The following PTPN4 variants were observed in gnomAD, a reference collection of about 807,000 sequenced individuals.
The protein encoded by PTPN4 is protein tyrosine phosphatase non-receptor type 4.
A neutral mutation model predicts 135.5 loss-of-function variants in PTPN4; 49 were observed. That is an observed-to-expected ratio of 0.36 (90% confidence interval 0.29 to 0.46). PTPN4 has a LOEUF of 0.46. Ranked by LOEUF, PTPN4 falls within the 20% of genes least tolerant of loss-of-function variation. PTPN4 has a pLI of 1.00. For synonymous variants in PTPN4, 333 were observed against 369.9 expected (o/e 0.90, Z 1.14); for missense variants, 860 against 1,101.0 (o/e 0.78, Z 3.10).
chr2:119,947,620 G>A (rs752347249), intron 18 of PTPN4, among the ~76,000 whole-genome samples: 1 of 151,956 alleles, frequency 6.6e-6, no homozygotes, highest in Non-Finnish European at 1.5e-5. Flanking sequence ...TTCTTTTTAT[G>A]TGATTGTTTG....
At chr2:119,969,087 G>C (rs1204744177) in intron 26 of PTPN4, among the ~76,000 whole-genome samples, 1 of 152,126 alleles carries the variant, frequency 6.6e-6, no homozygotes, top group African/African-American at 2.4e-5. Flanking sequence ...GCAATGGTGT[G>C]ATCATAACTC....
intron 1 of PTPN4, among the ~76,000 whole-genome samples, chr2:119,771,130 C>G (rs1428552125): frequency 2.6e-5 from 4 of 152,186 alleles, no homozygotes; most frequent in Non-Finnish European, 5.9e-5. Context: ...CCCAAACTCT[C>G]ACAGGAGAGA....
rs780777093 is a variant in PTPN4 at position 119,978,759 on chromosome 2, A to C, written c.*1689A>C. 6.6e-6 allele frequency: 1 copy of C among 152,148 alleles called. No homozygotes were observed. The allele number at this position is 152,148 out of a possible 1,614,324, so 9.4% of individuals were successfully genotyped here. ...TCTGTAAGATCTTGATAAAGTTTAGAGTCAAATGGCAGATATTTTGGAAAG... is the reference window on the plus strand; with the variant it reads ...TCTGTAAGATCTTGATAAAGTTTAGCGTCAAATGGCAGATATTTTGGAAAG... On this transcript the variant is annotated 3_prime_UTR_variant, in exon 27 of 27. Coordinates refer to ENST00000263708, the MANE Select transcript of PTPN4 (RefSeq NM_002830.4).
At chr2:119,906,643 T>G (rs1315667699) in intron 10 of PTPN4, among the ~76,000 whole-genome samples, 1 of 152,154 alleles carries the variant, frequency 6.6e-6, no homozygotes, top group Non-Finnish European at 1.5e-5. Context: ...TCTCAACAAA[T>G]TAGGTGTAGA....
chr2:119,876,897 ATGTGTGTGTGTGTGTGTGTG>A lies in PTPN4; in HGVS notation c.247-401_247-382del, dbSNP rs3835789. Among the ~76,000 whole-genome samples, 12 of 136,136 alleles carry A rather than the reference ATGTGTGTGTGTGTGTGTGTG, an allele frequency of 8.8e-5. No individual in the cohort carries two copies. In the East Asian group the frequency reaches 2.0e-3, roughly 23 times the overall value. 89.3% of individuals were successfully genotyped at this position (136,136 alleles called of 152,430 possible). A position where few individuals can be genotyped will look rare whatever the true frequency, so the allele number is the denominator to read the frequency against. On this transcript the variant is annotated intron_variant, in intron 3 of 26. Transcript: ENST00000263708. ...CTGAATGAGTATAAAGCCCAAGAGC[ATGTGTGTGTGTGTGTGTGTG>A]TGTGTGTGTGTGTGTGTGTGTGTGC...
chr2:119,883,986 G>A (rs1358197304), intron 8 of PTPN4, among the ~76,000 whole-genome samples: 2 of 152,152 alleles, frequency 1.3e-5, no homozygotes, highest in East Asian at 1.9e-4. Context: ...TGCAAGCTCC[G>A]CCTCCCGGGT....
At chr2:119,966,104 A>G (rs1679441337) in intron 25 of PTPN4, among the ~76,000 whole-genome samples, 2 of 152,150 alleles carry the variant, frequency 1.3e-5, no homozygotes, top group African/African-American at 4.8e-5. Flanking sequence ...CTCTGCTTCC[A>G]TTATGGCACT....
chr2:119,763,279 A>G (rs1690542791), intron 1 of PTPN4, among the ~76,000 whole-genome samples: 1 of 152,204 alleles, frequency 6.6e-6, no homozygotes, highest in Non-Finnish European at 1.5e-5. Flanking sequence ...AACAAAATGA[A>G]AATTACATCG....
chr2:119,887,464 G>A (rs996219668), intron 9 of PTPN4, among the ~76,000 whole-genome samples: 8 of 152,166 alleles, frequency 5.3e-5, no homozygotes, highest in African/African-American at 1.9e-4. Context: ...TCCAGCTGGG[G>A]TGTCAGCAAG....
At chr2:119,972,383 G>A (rs975230007) in intron 26 of PTPN4, among the ~76,000 whole-genome samples, 18 of 152,220 alleles carry the variant, frequency 1.2e-4, no homozygotes, top group African/African-American at 4.1e-4. Flanking sequence ...CAGTATTTTA[G>A]TATGTTTTGG....
chr2:119,841,903 G>T (rs968223574), intron 2 of PTPN4, among the ~76,000 whole-genome samples: 1 of 152,222 alleles, frequency 6.6e-6, no homozygotes, highest in East Asian at 1.9e-4. Flanking sequence ...GGTGTTTGAG[G>T]TAACTAATTT....
At chr2:119,975,599 C>T (rs1679603363) in intron 26 of PTPN4, among the ~76,000 whole-genome samples, 1 of 152,128 alleles carries the variant, frequency 6.6e-6, no homozygotes, top group Admixed American at 6.5e-5. Flanking sequence ...ATGGCAGGTG[C>T]CTGTAATCCC....
At chr2:119,870,235 G>GT (rs969954999) in intron 3 of PTPN4, among the ~76,000 whole-genome samples, 129 of 151,810 alleles carry the variant, frequency 8.5e-4, no homozygotes, top group Middle Eastern at 6.8e-3. Flanking sequence ...AGCAAATCAC[G>GT]TTTTTTTTAA....
chr2:119,885,367 A>C (rs1009022748), intron 8 of PTPN4, among the ~76,000 whole-genome samples: 1 of 152,182 alleles, frequency 6.6e-6, no homozygotes, highest in Non-Finnish European at 1.5e-5. Flanking sequence ...CTGTGAATCA[A>C]CCTCTGTCTG....
At chr2:119,936,293 C>T (rs946168239) in intron 15 of PTPN4, among the ~76,000 whole-genome samples, 7 of 152,144 alleles carry the variant, frequency 4.6e-5, no homozygotes, top group South Asian at 2.1e-4. Context: ...TGAGCCCCCG[C>T]GCCCGGCCTC....
At chr2:119,862,672 C>T in intron 3 of PTPN4, 29 bp downstream of exon 3, 1 of 1,553,304 alleles carries the variant, frequency 6.4e-7, no homozygotes, top group Non-Finnish European at 8.8e-7. Context: ...CTTTCATTTT[C>T]ATTTAGTTTT....
At chr2:119,820,443 A>G (rs1441988869) in intron 2 of PTPN4, among the ~76,000 whole-genome samples, 2 of 151,980 alleles carry the variant, frequency 1.3e-5, no homozygotes, top group African/African-American at 4.8e-5. Context: ...TACATGACTC[A>G]CTCTCTGCTG....
intron 18 of PTPN4, 178 bp downstream of exon 18, chr2:119,946,752 G>C (rs575061002): frequency 5.1e-5 from 26 of 514,320 alleles, no homozygotes; most frequent in African/African-American, 4.9e-4. Flanking sequence ...TTCTCTGTAA[G>C]TATTTAAAAT....
chr2:119,882,666 C>A (rs1454738750), intron 8 of PTPN4, 43 bp downstream of exon 8: 5 of 1,403,948 alleles, frequency 3.6e-6, no homozygotes, highest in Non-Finnish European at 4.8e-6. Context: ...TTCTTAATGG[C>A]ATTCTTTCTA....
Sources: gnomAD v4.1 joint callset for allele counts (sites outside exome capture counted in the v4.1 genomes callset) on GRCh38, gnomAD v4.1.1 for gene constraint, MANE v1.5 for transcripts, NCBI Gene and HGNC (gene_info 2026-07-23, HGNC 2026-07-21) for gene names.